ASNS: variants seen among roughly 807,000 people sequenced by gnomAD.
The protein encoded by ASNS is asparagine synthetase (glutamine-hydrolyzing), also known as asparagine synthetase [glutamine-hydrolyzing].
ASNS carries 37 observed loss-of-function variants against 62.6 expected under a neutral mutation model. The observed-to-expected ratio is 0.59, with a 90% CI of 0.45 to 0.78. ASNS has a LOEUF of 0.78. ASNS is among the 30% of genes least tolerant of loss of function. ASNS has a pLI of 0.00. For synonymous variants in ASNS, 207 were observed against 237.9 expected, an observed-to-expected ratio of 0.87 and a Z score of 1.19; for missense variants, 520 against 682.4, an observed-to-expected ratio of 0.76 and a Z score of 2.65.
chr7:97,870,295 C>A, intron 1 of ASNS: 1 of 554,930 alleles, frequency 1.8e-6, no homozygotes, highest in Non-Finnish European at 3.2e-6. Flanking sequence ...ACACCAAAAA[C>A]AAGATGTTTT....
the ASNS span, chr7:97,908,377 G>A: frequency 6.6e-6 from 1 of 152,136 alleles, no homozygotes; most frequent in Non-Finnish European, 1.5e-5. Context: ...AGACCACAAT[G>A]GATGTCATCT....
chr7:97,895,548 C>T, the ASNS span, among the ~76,000 whole-genome samples: 3 of 152,206 alleles, frequency 2.0e-5, no homozygotes, highest in African/African-American at 4.8e-5. Flanking sequence ...AATCCCAGCA[C>T]TTTGGGAGGC....
intron 4 of ASNS, 29 bp downstream of exon 4, chr7:97,864,230 T>G (rs757029980): frequency 1.9e-6 from 3 of 1,569,914 alleles, no homozygotes; most frequent in Non-Finnish European, 2.6e-6. Context: ...AAGACAATAA[T>G]GAAAATCTAT....
At chr7:97,922,104 C>T in the ASNS span, among the ~76,000 whole-genome samples, 1 of 152,168 alleles carries the variant, frequency 6.6e-6, no homozygotes, top group African/African-American at 2.4e-5. Flanking sequence ...GTGGCTCATG[C>T]CTGTAATCCC....
the ASNS span, among the ~76,000 whole-genome samples, chr7:97,927,886 C>T: frequency 9.8e-5 from 15 of 152,390 alleles, no homozygotes; most frequent in South Asian, 6.2e-4. Flanking sequence ...GGAGCAACCC[C>T]AAGACTGGGC....
the ASNS span, among the ~76,000 whole-genome samples, chr7:97,880,934 T>TTTTTGTTTTGTTTTG: frequency 6.7e-6 from 1 of 150,160 alleles, no homozygotes; most frequent in Non-Finnish European, 1.5e-5. Context: ...TGTGTGTGTG[T>TTTTTGTTTTGTTTTG]TTTTGTTTTG....
the ASNS span, chr7:97,928,407 G>A: frequency 1.7e-5 from 10 of 599,936 alleles, no homozygotes; most frequent in Non-Finnish European, 2.5e-5. Context: ...GCGCGGCGCG[G>A]AGGTGGGCAC....
the ASNS span, among the ~76,000 whole-genome samples, chr7:97,916,748 T>G: frequency 6.6e-6 from 1 of 152,116 alleles, no homozygotes; most frequent in Non-Finnish European, 1.5e-5. Flanking sequence ...TCATCTGCAG[T>G]CCCCTTGCAG....
chr7:97,859,039 T>A, intron 5 of ASNS, 84 bp from the exon 6 acceptor site: 7 of 1,404,318 alleles, frequency 5.0e-6, no homozygotes, highest in Non-Finnish European at 6.9e-6. Context: ...ATCATCAACA[T>A]CTATCATGAT....
intron 3 of ASNS, among the ~76,000 whole-genome samples, chr7:97,864,723 A>C (rs1791885252): frequency 6.6e-6 from 1 of 152,184 alleles, no homozygotes; most frequent in African/African-American, 2.4e-5. Flanking sequence ...CAGTCTGATA[A>C]ACAGAACATA....
chr7:97,884,553 A>G, the ASNS span, among the ~76,000 whole-genome samples: 1 of 152,086 alleles, frequency 6.6e-6, no homozygotes, highest in Non-Finnish European at 1.5e-5. Flanking sequence ...CCGTCTCCAA[A>G]AAAAAGTCCC....
At chr7:97,856,001 G>C (rs1791419955) in intron 8 of ASNS, among the ~76,000 whole-genome samples, 4 of 152,154 alleles carry the variant, frequency 2.6e-5, no homozygotes. Context: ...ACCTCAGCTA[G>C]AGAGCCTTTT....
chr7:97,875,951 G>T (rs999289996), upstream of ASNS, among the ~76,000 whole-genome samples: 2 of 151,796 alleles, frequency 1.3e-5, no homozygotes, highest in Non-Finnish European at 1.5e-5. Flanking sequence ...CTGCCTCCTG[G>T]GTTCAAGTGA....
chr7:97,876,897 T>G (rs1386726684), upstream of ASNS, among the ~76,000 whole-genome samples: 1 of 152,136 alleles, frequency 6.6e-6, no homozygotes, highest in Non-Finnish European at 1.5e-5. Context: ...TTTAGGTATA[T>G]GGACCTGGGG....
chr7:97,886,383 G>C, the ASNS span, among the ~76,000 whole-genome samples: 1 of 152,038 alleles, frequency 6.6e-6, no homozygotes, highest in Non-Finnish European at 1.5e-5. Flanking sequence ...TCCTGACCTC[G>C]TGACCCGCTC....
the ASNS span, among the ~76,000 whole-genome samples, chr7:97,902,700 G>A: frequency 9.9e-5 from 15 of 152,262 alleles, no homozygotes; most frequent in African/African-American, 4.8e-5. Flanking sequence ...CAGCCTGGGT[G>A]ACAGAGAAAG....
chr7:97,855,466 TGA>T lies in ASNS; in HGVS notation c.1031-9_1031-8del. On this transcript the variant is annotated splice_polypyrimidine_tract_variant and splice_region_variant and intron_variant, in intron 8 of 12. Transcript: ENST00000394308. Reference sequence around the variant, plus strand: ...TTGGAAATTAAATACATACCTTAAATGAGAGAGAGAAATTAACTTTAATGTCA... The same window carrying T: ...TTGGAAATTAAATACATACCTTAAATGAGAGAGAAATTAACTTTAATGTCA... The T allele has an allele frequency of 1.3e-6, 2 of 1,591,056 alleles. No individual in the cohort carries two copies. The highest frequency in any genetic ancestry group is 2.2e-5 in the East Asian group (1 of 44,678).
At chr7:97,905,815 G>A in the ASNS span, among the ~76,000 whole-genome samples, 12 of 152,134 alleles carry the variant, frequency 7.9e-5, no homozygotes, top group Non-Finnish European at 1.3e-4. Flanking sequence ...ATTTTGCACC[G>A]TATATGTGCC....
intron 7 of ASNS, among the ~76,000 whole-genome samples, chr7:97,857,562 A>G (rs1334396220): frequency 6.7e-6 from 1 of 150,240 alleles, no homozygotes; most frequent in Admixed American, 6.7e-5. Flanking sequence ...ATTTCAAACC[A>G]CAAGTCAGGT....
Sources: allele counts gnomAD v4.1 joint callset (sites outside exome capture counted in the v4.1 genomes callset), GRCh38; gene constraint gnomAD v4.1.1; transcripts MANE v1.5; gene names NCBI Gene and HGNC (gene_info 2026-07-23, HGNC 2026-07-21).